PEPD: variants seen among roughly 807,000 people sequenced by gnomAD.
PEPD encodes xaa-Pro dipeptidase.
Under a neutral mutation model 60.7 loss-of-function variants are expected in PEPD, and 53 were observed. The ratio of observed to expected loss-of-function variants is 0.87; its 90% confidence interval spans 0.70 to 1.10. The LOEUF (loss-of-function observed/expected upper bound fraction) is 1.10, where lower values mean the gene tolerates loss of function less well. Ranked by LOEUF, PEPD falls within the 50% of genes least tolerant of loss-of-function variation. PEPD has a pLI of 0.00. For missense variants in PEPD, 711 were observed against 711.9 expected, an observed-to-expected ratio of 1.00 and a Z score of 0.01; for synonymous variants, 267 against 284.1, an observed-to-expected ratio of 0.94 and a Z score of 0.60.
intron 9 of PEPD, among the ~76,000 whole-genome samples, chr19:33,415,714 G>A (rs963993265): frequency 1.1e-4 from 17 of 152,126 alleles, no homozygotes; most frequent in Non-Finnish European, 2.1e-4. Context: ...CTAAAGAAAG[G>A]CTGACCCAGT....
At position 33,459,863 on chromosome 19, in the gene PEPD, T is replaced by C. The variant is rs556735909; in HGVS notation, c.671+3132A>G. 7.9e-5 allele frequency among the ~76,000 whole-genome samples: 12 copies of C among 152,278 alleles called. No individual in the cohort carries two copies. In the East Asian group the frequency reaches 2.3e-3, roughly 29 times the overall value. ...TGAACTGCAGAGCTCCCTGCCTTCA[T>C]GCCCAGTGTCCCTGTGCAAGGCTGA... On this transcript the variant is annotated intron_variant, in intron 9 of 14. Transcript: ENST00000244137.
intron 1 of PEPD, 24 bp downstream of exon 1, chr19:33,521,720 G>A (rs1971141467): frequency 1.3e-6 from 2 of 1,578,902 alleles, no homozygotes; most frequent in South Asian, 1.2e-5. Context: ...CAGCGGGAAA[G>A]AGCGAGGGAG....
intron 9 of PEPD, among the ~76,000 whole-genome samples, chr19:33,434,300 C>G (rs898892296): frequency 1.1e-4 from 16 of 152,182 alleles, no homozygotes; most frequent in African/African-American, 3.9e-4. Context: ...CCTCATGTGT[C>G]TCCGGTGCAC....
intron 7 of PEPD, among the ~76,000 whole-genome samples, chr19:33,466,109 A>G (rs2145277097): frequency 6.6e-6 from 1 of 152,354 alleles, no homozygotes; most frequent in East Asian, 1.9e-4. Flanking sequence ...TGTGGCTCTG[A>G]GAAAAACATC....
At chr19:33,489,805 G>A (rs529233235) in intron 6 of PEPD, among the ~76,000 whole-genome samples, 191 bp downstream of exon 6, 45 of 152,186 alleles carry the variant, frequency 3.0e-4, no homozygotes, top group African/African-American at 1.1e-3. Context: ...CAGACACGGG[G>A]CACCTTTCCT....
chr19:33,417,974 G>A (rs1225270710), intron 9 of PEPD, among the ~76,000 whole-genome samples: 6 of 152,178 alleles, frequency 3.9e-5, no homozygotes, highest in Non-Finnish European at 7.3e-5. Context: ...ACCAGCTACC[G>A]GGACACGTGC....
intron 9 of PEPD, among the ~76,000 whole-genome samples, chr19:33,435,449 C>A (rs1330684436): frequency 6.6e-6 from 1 of 152,350 alleles, no homozygotes; most frequent in Middle Eastern, 3.4e-3. Flanking sequence ...CTGCCCGGGC[C>A]CCTCGGCAGG....
intron 1 of PEPD, among the ~76,000 whole-genome samples, chr19:33,516,573 G>A (rs898376326): frequency 2.6e-5 from 4 of 151,902 alleles, no homozygotes; most frequent in Admixed American, 6.6e-5. Flanking sequence ...CCCACAAGCC[G>A]TCTCTGTCTC....
chr19:33,502,850 G>A (rs567154266), intron 3 of PEPD, among the ~76,000 whole-genome samples: 35 of 146,174 alleles, frequency 2.4e-4, no homozygotes, highest in African/African-American at 7.6e-4. Context: ...TCATTCTTTC[G>A]TTGCTTCATT....
chr19:33,401,679 C>CA (rs768542292), intron 12 of PEPD, 42 bp downstream of exon 12: 2 of 1,580,766 alleles, frequency 1.3e-6, no homozygotes, highest in Non-Finnish European at 1.7e-6. Flanking sequence ...GCGCCCCCAA[C>CA]GCCACGTCAG....
intron 12 of PEPD, among the ~76,000 whole-genome samples, chr19:33,392,427 G>A (rs565612235): frequency 6.6e-6 from 1 of 152,344 alleles, no homozygotes; most frequent in Non-Finnish European, 1.5e-5. Flanking sequence ...GACTTGGCTT[G>A]AGCACCAGAT....
chr19:33,446,629 G>GT (rs1969599443), intron 9 of PEPD, among the ~76,000 whole-genome samples: 1 of 152,244 alleles, frequency 6.6e-6, no homozygotes, highest in Non-Finnish European at 1.5e-5. Context: ...TGTTTGCACA[G>GT]TGCATCCAGG....
chr19:33,511,237 G>A (rs1970920966), intron 2 of PEPD, 82 bp from the exon 3 acceptor site: 3 of 1,484,942 alleles, frequency 2.0e-6, no homozygotes, highest in South Asian at 1.1e-5. Context: ...CAGCACCCTA[G>A]AGAGCCAGCT....
At chr19:33,438,866 C>T (rs1293247142) in intron 9 of PEPD, among the ~76,000 whole-genome samples, 4 of 152,234 alleles carry the variant, frequency 2.6e-5, no homozygotes, top group East Asian at 1.9e-4. Context: ...ATTACAGGCA[C>T]GCACCACCAT....
intron 7 of PEPD, among the ~76,000 whole-genome samples, chr19:33,471,845 C>A (rs1417536459): frequency 6.6e-6 from 1 of 152,016 alleles, no homozygotes; most frequent in African/African-American, 2.4e-5. Flanking sequence ...ACAGTGATAA[C>A]CTGTGTCTAC....
chr19:33,499,164 C>T (rs1420306851), intron 4 of PEPD, among the ~76,000 whole-genome samples: 2 of 152,112 alleles, frequency 1.3e-5, no homozygotes, highest in East Asian at 1.9e-4. Flanking sequence ...CTGTACTCAA[C>T]GGGATCAATA....
chr19:33,512,058 T>C (rs905719987), intron 2 of PEPD, among the ~76,000 whole-genome samples: 3 of 152,146 alleles, frequency 2.0e-5, no homozygotes, highest in Non-Finnish European at 4.4e-5. Flanking sequence ...GGATGCTGCA[T>C]GGACACATTC....
At chr19:33,465,089 C>T (rs1256929530) in intron 7 of PEPD, among the ~76,000 whole-genome samples, 1 of 152,166 alleles carries the variant, frequency 6.6e-6, no homozygotes, top group Non-Finnish European at 1.5e-5. Context: ...CATAGGTTTG[C>T]AGTGAGAACG....
rs1468504212 is a variant in PEPD, at chr19:33,424,585, T to C, written c.672-10942A>G. Among the ~76,000 whole-genome samples, 3 of 152,064 alleles carry C rather than the reference T, an allele frequency of 2.0e-5. No individual in the cohort carries two copies. The South Asian group carries it at 6.2e-4, about 32-fold the overall frequency. ...GAAGGCCAGTGTGGTGGTGCATGTG[T>C]GATGGTGTACTCAGGAGGATGAGGC... On this transcript the variant is annotated intron_variant, in intron 9 of 14. Transcript: ENST00000244137.
Sources: allele counts gnomAD v4.1 joint callset (sites outside exome capture counted in the v4.1 genomes callset), GRCh38; gene constraint gnomAD v4.1.1; transcripts MANE v1.5; gene names NCBI Gene and HGNC (gene_info 2026-07-23, HGNC 2026-07-21).